PTPN13: variants seen among roughly 807,000 people sequenced by gnomAD.
PTPN13 encodes protein tyrosine phosphatase non-receptor type 13.
A neutral mutation model predicts 284.0 loss-of-function variants in PTPN13; 191 were observed. The ratio of observed to expected loss-of-function variants is 0.67; its 90% CI spans 0.60 to 0.76. The LOEUF (loss-of-function observed/expected upper bound fraction) is 0.76. Ranked by LOEUF, PTPN13 falls within the 30% of genes least tolerant of loss-of-function variation. PTPN13 has a pLI of 0.00. For missense variants in PTPN13, 2,797 were observed against 2,939.9 expected (o/e 0.95, Z 1.12); for synonymous variants, 986 against 1,022.3 (o/e 0.96, Z 0.68).
At chr4:86,756,640 G>C (rs996115608) in intron 20 of PTPN13, among the ~76,000 whole-genome samples, 5 of 152,040 alleles carry the variant, frequency 3.3e-5, no homozygotes, top group African/African-American at 1.2e-4. Flanking sequence ...TCACTCCTGA[G>C]AGGAAATTAT....
At chr4:86,801,181 GACTC>G (rs1278392649) in intron 42 of PTPN13, among the ~76,000 whole-genome samples, 3 of 152,142 alleles carry the variant, frequency 2.0e-5, no homozygotes, top group Admixed American at 2.0e-4. Flanking sequence ...TAAGATAGTT[GACTC>G]AACTCCCAAA....
chr4:86,676,556 G>A (rs1728293037), intron 3 of PTPN13, among the ~76,000 whole-genome samples: 3 of 152,162 alleles, frequency 2.0e-5, no homozygotes, highest in Admixed American at 2.0e-4. Flanking sequence ...AGAGATATTT[G>A]CACACCCATG....
chr4:86,752,404 A>T (rs112150455), intron 19 of PTPN13, among the ~76,000 whole-genome samples: 1 of 152,162 alleles, frequency 6.6e-6, no homozygotes, highest in African/African-American at 2.4e-5. Context: ...AGACTATACT[A>T]TCAATTTAAT....
chr4:86,627,219 A>G (rs1721934468), intron 1 of PTPN13, among the ~76,000 whole-genome samples: 1 of 152,146 alleles, frequency 6.6e-6, no homozygotes, highest in Non-Finnish European at 1.5e-5. Flanking sequence ...TTTACAAGGT[A>G]AAGTTCCAGA....
rs937662254 is a variant in PTPN13, at chr4:86,727,903, T to C, written c.1609-4497T>C. ...GCTTCTCTAGTTCTTTTAATTGTGATGTTAGGGTGTTGATTTTATATCTTT... is the reference window on the plus strand; with the variant it reads ...GCTTCTCTAGTTCTTTTAATTGTGACGTTAGGGTGTTGATTTTATATCTTT... On this transcript the variant is annotated intron_variant, in intron 10 of 47. Transcript: ENST00000411767. 2.0e-5 allele frequency among the ~76,000 whole-genome samples: 3 copies of C among 149,612 alleles called. No homozygotes were observed. The Admixed American group carries it at 2.0e-4, about 10-fold the overall frequency.
chr4:86,803,064 C>CTG (rs143647187), intron 42 of PTPN13, among the ~76,000 whole-genome samples: 35,235 of 135,928 alleles, frequency 0.26, 4,274 homozygotes, highest in African/African-American at 0.27. Context: ...CAGAATAAGA[C>CTG]TGTGTGTGTG....
At chr4:86,695,699 CCTTT>C (rs1220656140) in intron 6 of PTPN13, among the ~76,000 whole-genome samples, 5 of 151,882 alleles carry the variant, frequency 3.3e-5, no homozygotes, top group Non-Finnish European at 1.5e-5. Flanking sequence ...CTCCCTCCCT[CCTTT>C]CTTATTTCTC....
intron 20 of PTPN13, among the ~76,000 whole-genome samples, chr4:86,757,615 T>C (rs964384437): frequency 1.9e-4 from 29 of 151,872 alleles, no homozygotes; most frequent in Admixed American, 9.2e-4. Context: ...AAATAAAAAA[T>C]TAGCTGGGCA....
intron 1 of PTPN13, among the ~76,000 whole-genome samples, chr4:86,626,221 C>G (rs527708776): frequency 6.6e-6 from 1 of 152,172 alleles, no homozygotes; most frequent in Admixed American, 6.6e-5. Context: ...AAAGCAGGGA[C>G]TAGGCATACA....
chr4:86,790,095 T>A (rs1742447284), intron 40 of PTPN13, among the ~76,000 whole-genome samples: 1 of 152,168 alleles, frequency 6.6e-6, no homozygotes, highest in African/African-American at 2.4e-5. Context: ...AGACCAGGAT[T>A]GTAATGGGGA....
At chr4:86,729,954 C>G (rs1734749590) in intron 10 of PTPN13, among the ~76,000 whole-genome samples, 1 of 149,240 alleles carries the variant, frequency 6.7e-6, no homozygotes, top group African/African-American at 2.4e-5. Flanking sequence ...CTTTTCTGCT[C>G]TGTGGTTTTA....
At chr4:86,649,417 T>C (rs1216686713) in intron 2 of PTPN13, among the ~76,000 whole-genome samples, 3 of 152,174 alleles carry the variant, frequency 2.0e-5, no homozygotes, top group Admixed American at 1.3e-4. Context: ...AGGCAAGAGA[T>C]AGGGGTCTAT....
chr4:86,699,266 GT>G (rs1360559904), intron 6 of PTPN13, among the ~76,000 whole-genome samples: 1 of 151,898 alleles, frequency 6.6e-6, no homozygotes, highest in Non-Finnish European at 1.5e-5. Context: ...GGCGCCTGTG[GT>G]CCCAACTACT....
Position 86,807,672 on chromosome 4 carries a change from GC to G in PTPN13, c.6860del (p.Pro2287LeufsTer10). ...TTTACATTGCCTGCCAAGGACCACT[GC>G]CTACAACTGTTGGAGACTTCTGGCA... ...FVYIACQGPL[P>X]TTVGDFWQMI... On this transcript the variant is annotated frameshift_variant, in exon 45 of 48. Transcript: ENST00000411767. LOFTEE classifies it high-confidence loss of function. 6.2e-7 allele frequency: 1 copy of G among 1,613,990 alleles called. No individual in the cohort carries two copies.
chr4:86,744,838 G>T, intron 16 of PTPN13, 128 bp from the exon 17 acceptor site: 3 of 728,298 alleles, frequency 4.1e-6, no homozygotes, highest in African/African-American at 1.8e-5. Flanking sequence ...TGTCTTTATT[G>T]TTAAGTGATG....
chr4:86,804,119 G>GT (rs199761669), intron 43 of PTPN13, among the ~76,000 whole-genome samples: 11 of 143,152 alleles, frequency 7.7e-5, no homozygotes, highest in Admixed American at 2.8e-4. Context: ...AGGTAAAAAT[G>GT]TTTAAAAAAA....
chr4:86,758,471 C>A, intron 21 of PTPN13, 122 bp downstream of exon 21: 2 of 952,126 alleles, frequency 2.1e-6, no homozygotes, highest in East Asian at 2.6e-5. Context: ...GACTGGCTGC[C>A]CACCTACAAG....
At chr4:86,803,328 C>T (rs374792879) in intron 42 of PTPN13, among the ~76,000 whole-genome samples, 86 of 151,786 alleles carry the variant, frequency 5.7e-4, no homozygotes, top group African/African-American at 1.8e-3. Flanking sequence ...CAGTGGCTCA[C>T]GTCTGTTATC....
intron 3 of PTPN13, among the ~76,000 whole-genome samples, chr4:86,673,485 A>T (rs1727940664): frequency 6.6e-6 from 1 of 152,190 alleles, no homozygotes; most frequent in Non-Finnish European, 1.5e-5. Context: ...CTAGAATATT[A>T]CTACCTAGAG....
Sources: allele counts gnomAD v4.1 joint callset (sites outside exome capture counted in the v4.1 genomes callset), GRCh38; gene constraint gnomAD v4.1.1; transcripts MANE v1.5; gene names NCBI Gene and HGNC (gene_info 2026-07-23, HGNC 2026-07-21).